Variants in SNTG2 observed in about 807,000 individuals in gnomAD.
SNTG2 encodes gamma-2-syntrophin.
Under a neutral mutation model 70.9 loss-of-function variants are expected in SNTG2, and 74 were observed. The observed-to-expected ratio is 1.04, with a 90% CI of 0.86 to 1.27. The LOEUF is 1.27. SNTG2 is among the 50% of genes most tolerant of loss of function. The pLI, the probability that SNTG2 is intolerant of heterozygous loss-of-function variation, is 0.00. For missense variants in SNTG2, 717 were observed against 690.7 expected (o/e 1.04, Z -0.43); for synonymous variants, 278 against 273.8 (o/e 1.02, Z -0.15).
At chr2:1,274,532 G>A (rs889121497) in intron 14 of SNTG2, among the ~76,000 whole-genome samples, 2 of 152,058 alleles carry the variant, frequency 1.3e-5, no homozygotes, top group South Asian at 2.1e-4. Context: ...TTTCTTTCAC[G>A]GATTGTGTTT....
chr2:1,064,602 T>C (rs552893115), intron 1 of SNTG2, among the ~76,000 whole-genome samples: 2 of 152,118 alleles, frequency 1.3e-5, no homozygotes, highest in Non-Finnish European at 2.9e-5. Context: ...AGTGATACTA[T>C]ATTTGATGGT....
intron 16 of SNTG2, among the ~76,000 whole-genome samples, chr2:1,366,180 A>T (rs1661471941): frequency 6.6e-6 from 1 of 152,214 alleles, no homozygotes; most frequent in Non-Finnish European, 1.5e-5. Flanking sequence ...CCTCAAAATA[A>T]ATTTTATTTT....
At chr2:1,231,935 C>A (rs765014318) in intron 9 of SNTG2, among the ~76,000 whole-genome samples, 10 of 152,194 alleles carry the variant, frequency 6.6e-5, no homozygotes, top group Non-Finnish European at 1.0e-4. Context: ...CACACAGGCT[C>A]GTGATGGCTC....
intron 15 of SNTG2, among the ~76,000 whole-genome samples, chr2:1,311,004 C>T (rs910428503): frequency 6.6e-6 from 1 of 152,196 alleles, no homozygotes; most frequent in Non-Finnish European, 1.5e-5. Flanking sequence ...TGCTTGACAG[C>T]GTGCGTATCC....
At chr2:1,148,131 A>T (rs28534382) in intron 6 of SNTG2, among the ~76,000 whole-genome samples, 1 of 152,116 alleles carries the variant, frequency 6.6e-6, no homozygotes, top group African/African-American at 2.4e-5. Flanking sequence ...AGGAGCTGGT[A>T]CAATTTCAGG....
chr2:1,118,850 TAATAA>T (rs777474716), intron 4 of SNTG2, among the ~76,000 whole-genome samples: 2 of 152,120 alleles, frequency 1.3e-5, no homozygotes, highest in Non-Finnish European at 2.9e-5. Context: ...AAAGGTTATT[TAATAA>T]AATAATTACT....
At chr2:1,167,197 G>A (rs1670771543) in intron 7 of SNTG2, among the ~76,000 whole-genome samples, 1 of 150,688 alleles carries the variant, frequency 6.6e-6, no homozygotes, top group Non-Finnish European at 1.5e-5. Flanking sequence ...AAACCTACAG[G>A]CCGCCCACAG....
At chr2:966,440 A>T (rs1325379364) in intron 1 of SNTG2, among the ~76,000 whole-genome samples, 1 of 147,248 alleles carries the variant, frequency 6.8e-6, no homozygotes, top group Non-Finnish European at 1.5e-5. Context: ...GTTCATTTGA[A>T]CTCTGATGGT....
At chr2:987,665 C>T (rs905512779) in intron 1 of SNTG2, among the ~76,000 whole-genome samples, 49 of 152,176 alleles carry the variant, frequency 3.2e-4, no homozygotes, top group African/African-American at 1.2e-3. Flanking sequence ...TGAGCGAATA[C>T]ATCTGCATCT....
intron 16 of SNTG2, chr2:1,346,520 GA>G (rs765588030): frequency 6.6e-6 from 1 of 152,288 alleles, no homozygotes; most frequent in Non-Finnish European, 1.5e-5. Flanking sequence ...GCCAGGACAT[GA>G]ACTGGAGGGG....
chr2:1,053,445 T>G (rs1662187726), intron 1 of SNTG2, among the ~76,000 whole-genome samples: 1 of 152,170 alleles, frequency 6.6e-6, no homozygotes, highest in Non-Finnish European at 1.5e-5. Context: ...GTTCTGGTGT[T>G]GACTGTTGAT....
intron 15 of SNTG2, 61 bp from the exon 16 acceptor site, chr2:1,316,204 A>C: frequency 1.3e-6 from 1 of 772,860 alleles, no homozygotes; most frequent in Non-Finnish European, 2.2e-6. Context: ...GTAGTAACAG[A>C]TGCTAATTAA....
chr2:1,105,675 C>T (rs1246322741), intron 4 of SNTG2, among the ~76,000 whole-genome samples: 1 of 152,202 alleles, frequency 6.6e-6, no homozygotes, highest in African/African-American at 2.4e-5. Flanking sequence ...GCTCACTCTC[C>T]CTCCTATGAG....
chr2:1,047,215 T>G (rs1378425969), intron 1 of SNTG2, among the ~76,000 whole-genome samples: 3 of 152,166 alleles, frequency 2.0e-5, no homozygotes, highest in Non-Finnish European at 4.4e-5. Context: ...TTGGTTCTTT[T>G]TAAAATGGGT....
intron 1 of SNTG2, among the ~76,000 whole-genome samples, chr2:1,078,420 T>C (rs1664066153): frequency 6.6e-6 from 1 of 151,930 alleles, no homozygotes; most frequent in African/African-American, 2.4e-5. Flanking sequence ...CCCCAGGACA[T>C]GAGGATGCCA....
intron 1 of SNTG2, among the ~76,000 whole-genome samples, chr2:1,031,529 T>TATATA (rs372970926): frequency 7.5e-4 from 32 of 42,644 alleles, no homozygotes; most frequent in African/African-American, 2.5e-3. Context: ...TATATATATA[T>TATATA]TTTTTTTTTT....
At chr2:1,039,797 C>T (rs1661331852) in intron 1 of SNTG2, among the ~76,000 whole-genome samples, 2 of 152,202 alleles carry the variant, frequency 1.3e-5, no homozygotes, top group Admixed American at 6.5e-5. Context: ...CACTGGGAAG[C>T]TGTGTGTGCA....
At position 1,255,897 on chromosome 2, in the gene SNTG2, T is replaced by TATATATATAA. The variant is rs1558602875; in HGVS notation, c.1006-3463_1006-3454dup. Reference sequence around the variant, plus strand: ...AAATATATATATAAATATATATAAATATATATATAAATATATATATAAATA... The same window carrying TATATATATAA: ...AAATATATATATAAATATATATAAATATATATATAAATATATATAAATATATATATAAATA... On this transcript the variant is annotated intron_variant, in intron 12 of 16. Coordinates refer to ENST00000308624, the MANE Select transcript of SNTG2 (RefSeq NM_018968.4). Among the ~76,000 whole-genome samples, 86 of 57,768 alleles carry TATATATATAA rather than the reference T, an allele frequency of 1.5e-3. 2 individuals are homozygous for TATATATATAA. Among genetic ancestry groups the TATATATATAA allele is most frequent in the East Asian group, 0.013 (21 of 1,610 alleles). The allele number at this position is 57,768 out of a possible 152,430, so 37.9% of individuals were successfully genotyped here. A position where few individuals can be genotyped will look rare whatever the true frequency, so the allele number is the denominator to read the frequency against.
At position 1,170,789 on chromosome 2, in the gene SNTG2, T is replaced by C. The variant is rs546124030; in HGVS notation, c.500-2303T>C. 1.5e-3 allele frequency among the ~76,000 whole-genome samples: 233 copies of C among 152,256 alleles called. 1 individual carries two copies. The South Asian group carries it at 0.019, about 12-fold the overall frequency. ...TTGTCTTGCTTCTGTTTGGGGGATA[T>C]TGTGAATTATACCACCATGAGCATC... On this transcript the variant is annotated intron_variant, in intron 7 of 16. Coordinates refer to ENST00000308624, the MANE Select transcript of SNTG2 (RefSeq NM_018968.4).
Sources: gnomAD v4.1 joint callset for allele counts (sites outside exome capture counted in the v4.1 genomes callset) on GRCh38, gnomAD v4.1.1 for gene constraint, MANE v1.5 for transcripts, NCBI Gene and HGNC (gene_info 2026-07-23, HGNC 2026-07-21) for gene names.